The following FAM168B variants were observed in gnomAD, a reference collection of about 807,000 sequenced individuals.
The protein encoded by FAM168B is family with sequence similarity 168 member B.
A neutral mutation model predicts 21.8 loss-of-function variants in FAM168B; 19 were observed. That is an observed-to-expected ratio of 0.87 (90% CI 0.61 to 1.28). FAM168B has a LOEUF of 1.28. Among genes scored for constraint, FAM168B ranks in the 50% most tolerant of loss-of-function variants. The probability of loss-of-function intolerance (pLI) is 0.00; values close to 1 mark genes in which losing one functional copy is unlikely to be tolerated. For synonymous variants in FAM168B, 126 were observed against 104.8 expected (o/e 1.20, Z -1.24); for missense variants, 233 against 263.1 (o/e 0.89, Z 0.79).
intron 1 of FAM168B, 45 bp from the exon 2 acceptor site, chr2:131,082,702 G>GA: frequency 7.3e-7 from 1 of 1,363,420 alleles, no homozygotes; most frequent in South Asian, 1.3e-5. Flanking sequence ...TTTGCTCTCA[G>GA]ATTTTTCTCC....
In FAM168B at chr2:131,049,033, C is replaced by T. The variant is rs985065995; in HGVS notation, c.*3432G>A. ...GGGTCTCCTTTTTTAAAGCAGACACCAATACTTACATAACTAGTACATGTT... is the reference window on the plus strand; with the variant it reads ...GGGTCTCCTTTTTTAAAGCAGACACTAATACTTACATAACTAGTACATGTT... On this transcript the variant is annotated 3_prime_UTR_variant, in exon 7 of 7. Coordinates refer to ENST00000389915, the MANE Select transcript of FAM168B (RefSeq NM_001009993.4). The T allele has an allele frequency of 4.9e-5, 48 of 985,284 alleles. No individual in the cohort carries two copies. Among genetic ancestry groups the T allele is most frequent in the Admixed American group, 1.8e-4 (3 of 16,258 alleles). 61.0% of individuals were successfully genotyped at this position (985,284 alleles called of 1,614,324 possible).
intron 1 of FAM168B, among the ~76,000 whole-genome samples, chr2:131,091,274 G>C (rs1264609004): frequency 6.6e-6 from 1 of 152,030 alleles, no homozygotes; most frequent in Non-Finnish European, 1.5e-5. Flanking sequence ...GGGAGGAGGA[G>C]GTTGCAGTGA....
chr2:131,080,610 G>A (rs1343314059), intron 2 of FAM168B, among the ~76,000 whole-genome samples: 8 of 145,030 alleles, frequency 5.5e-5, no homozygotes, highest in Non-Finnish European at 3.0e-5. Context: ...AGGGCAAGAC[G>A]GTCTCAAAAA....
In FAM168B at chr2:131,050,424, C is replaced by CTA; in HGVS notation, c.*2039_*2040dup. ...ACCTACTAATCCTGCCAACCATCCA[C>CTA]TAAACAGATGGAATTACCAACAGAG... On this transcript the variant is annotated 3_prime_UTR_variant, in exon 7 of 7. Transcript: ENST00000389915. The CTA allele has an allele frequency of 1.0e-6, 1 of 985,828 alleles. No individual in the cohort carries two copies. The highest frequency in any genetic ancestry group is 1.7e-5 in the African/African-American group (1 of 57,348). The allele number at this position is 985,828 out of a possible 1,614,324, so 61.1% of individuals were successfully genotyped here. A position where few individuals can be genotyped will look rare whatever the true frequency, so the allele number is the denominator to read the frequency against.
chr2:131,069,563 G>A (rs570709872), intron 3 of FAM168B, among the ~76,000 whole-genome samples: 9 of 151,786 alleles, frequency 5.9e-5, no homozygotes, highest in East Asian at 1.9e-4. Context: ...GCGCAATCTC[G>A]GCTCACTGCA....
At chr2:131,084,353 G>A (rs562095403) in intron 1 of FAM168B, among the ~76,000 whole-genome samples, 1 of 151,248 alleles carries the variant, frequency 6.6e-6, no homozygotes, top group Non-Finnish European at 1.5e-5. Context: ...ACCACATCTG[G>A]CTAAGTTTTG....
Position 131,050,696 on chromosome 2 carries a change from T to C in FAM168B, c.*1769A>G. The C allele has an allele frequency of 1.1e-5, 11 of 985,360 alleles. No homozygotes were observed. Among genetic ancestry groups the C allele is most frequent in the Non-Finnish European group, 1.3e-5 (11 of 829,906 alleles). 61.0% of individuals were successfully genotyped at this position (985,360 alleles called of 1,614,324 possible). The stretch of plus-strand genomic sequence containing the variant: ...AAGTACTTACTATAAAAAATAAGGT[T>C]ACCAAAGGCTCAGTGGTCAGGTGTC... On this transcript the variant is annotated 3_prime_UTR_variant, in exon 7 of 7. Coordinates refer to ENST00000389915, the MANE Select transcript of FAM168B (RefSeq NM_001009993.4).
chr2:131,051,385 C>T lies in FAM168B; in HGVS notation c.*1080G>A. 5.1e-6 allele frequency: 5 copies of T among 984,986 alleles called. No individual in the cohort carries two copies. Among genetic ancestry groups the T allele is most frequent in the Non-Finnish European group, 6.0e-6 (5 of 829,830 alleles). 61.0% of individuals were successfully genotyped at this position (984,986 alleles called of 1,614,324 possible). A position where few individuals can be genotyped will look rare whatever the true frequency, so the allele number is the denominator to read the frequency against. On this transcript the variant is annotated 3_prime_UTR_variant, in exon 7 of 7. Transcript: ENST00000389915. ...CCTTTTAACTCATTCTTAAATATAC[C>T]ACTTTCTTCATAACATACAGCTGAA... is the stretch of plus-strand genomic sequence containing the variant.
intron 3 of FAM168B, among the ~76,000 whole-genome samples, chr2:131,071,636 T>C (rs2105522903): frequency 6.6e-6 from 1 of 152,280 alleles, no homozygotes; most frequent in South Asian, 2.1e-4. Context: ...AACCTAGTGA[T>C]TACAGATTTG....
chr2:131,075,049 G>A (rs1251471962), intron 2 of FAM168B, among the ~76,000 whole-genome samples: 2 of 151,990 alleles, frequency 1.3e-5, no homozygotes, highest in African/African-American at 4.8e-5. Context: ...CCTCCCGTTT[G>A]CCCTCTCTAA....
At position 131,052,421 on chromosome 2, in the gene FAM168B, A is replaced by C. The variant is rs1173562706; in HGVS notation, c.*44T>G. On this transcript the variant is annotated 3_prime_UTR_variant, in exon 7 of 7. Transcript: ENST00000389915. ...CTGCAGCACCAGCTGTGGAATCCCC[A>C]ATAATGTGACTGCACAGCTCCGTCC... is the stretch of plus-strand genomic sequence containing the variant. 1 of 989,792 alleles carries C rather than the reference A, an allele frequency of 1.0e-6. No homozygotes were observed. Among genetic ancestry groups the C allele is most frequent in the Non-Finnish European group, 1.2e-6 (1 of 832,130 alleles). 61.3% of individuals were successfully genotyped at this position (989,792 alleles called of 1,614,324 possible). A position where few individuals can be genotyped will look rare whatever the true frequency, so the allele number is the denominator to read the frequency against.
chr2:131,055,344 G>T lies in FAM168B; in HGVS notation c.403C>A (p.Pro135Thr), dbSNP rs1331517858. ...CCGTTGCCTCTAGGAGGGGGGATGG[G>T]AGCAGGGTACACCGTTGCAGGCATG... ...NGMPATVYPA[P>T]IPPPRGNGVT... Residue 135 changes from proline to threonine, a missense_variant, in exon 5 of 7, where the codon CCC becomes ACC. Physicochemically the swap from Pro to Thr is conservative, Grantham distance 38. Coordinates refer to ENST00000389915, the MANE Select transcript of FAM168B (RefSeq NM_001009993.4). 3.8e-6 allele frequency: 6 copies of T among 1,590,358 alleles called. 1 individual carries two copies. The South Asian group carries it at 5.7e-5, about 15-fold the overall frequency.
chr2:131,081,536 A>T (rs1693433476), intron 2 of FAM168B, among the ~76,000 whole-genome samples: 9 of 152,194 alleles, frequency 5.9e-5, no homozygotes. Flanking sequence ...AGTCTTAGTA[A>T]AGATCTCCCG....
intron 3 of FAM168B, among the ~76,000 whole-genome samples, chr2:131,058,525 C>A (rs942096122): frequency 2.0e-5 from 3 of 152,208 alleles, no homozygotes; most frequent in Non-Finnish European, 2.9e-5. Context: ...CTCAGCTAGT[C>A]TCCATTTGAA....
chr2:131,061,458 C>T (rs1236148274), intron 3 of FAM168B, among the ~76,000 whole-genome samples: 2 of 151,778 alleles, frequency 1.3e-5, no homozygotes, highest in Non-Finnish European at 2.9e-5. Context: ...AAAGGGCCCA[C>T]GGATCACCAC....
At chr2:131,081,499 G>T (rs953065307) in intron 2 of FAM168B, among the ~76,000 whole-genome samples, 1 of 152,178 alleles carries the variant, frequency 6.6e-6, no homozygotes, top group African/African-American at 2.4e-5. Context: ...ACAAGCTAGA[G>T]CCCCAAACAT....
intron 2 of FAM168B, among the ~76,000 whole-genome samples, 189 bp from the exon 3 acceptor site, chr2:131,072,127 C>T (rs1361888004): frequency 2.6e-5 from 4 of 152,078 alleles, no homozygotes; most frequent in Admixed American, 6.6e-5. Context: ...TTTTTTTTAT[C>T]GTTGTCGTCT....
intron 1 of FAM168B, among the ~76,000 whole-genome samples, chr2:131,084,000 T>G (rs1693554088): frequency 6.6e-6 from 1 of 151,740 alleles, no homozygotes; most frequent in South Asian, 2.1e-4. Flanking sequence ...CCTCCCAGGT[T>G]TAAGTGATTC....
At chr2:131,074,432 G>A (rs1435855096) in intron 2 of FAM168B, among the ~76,000 whole-genome samples, 1 of 152,126 alleles carries the variant, frequency 6.6e-6, no homozygotes, top group Non-Finnish European at 1.5e-5. Flanking sequence ...TGGCCAGAAA[G>A]CGTTCTTTCT....
Sources: gnomAD v4.1 joint callset for allele counts (sites outside exome capture counted in the v4.1 genomes callset) on GRCh38, gnomAD v4.1.1 for gene constraint, MANE v1.5 for transcripts, NCBI Gene and HGNC (gene_info 2026-07-23, HGNC 2026-07-21) for gene names.